PLCH1: variants seen among roughly 807,000 people sequenced by gnomAD.
PLCH1 encodes 1-phosphatidylinositol 4,5-bisphosphate phosphodiesterase eta-1.
A neutral mutation model predicts 126.7 loss-of-function variants in PLCH1; 60 were observed. The observed-to-expected ratio is 0.47, with a 90% CI of 0.38 to 0.59. PLCH1 has a LOEUF of 0.59. Among genes scored for constraint, PLCH1 ranks in the 20% least tolerant of loss-of-function variants. PLCH1 has a pLI of 0.00. For missense variants in PLCH1, 1,723 were observed against 2,040.0 expected (o/e 0.84, Z 2.99); for synonymous variants, 719 against 734.9 (o/e 0.98, Z 0.35).
intron 2 of PLCH1, among the ~76,000 whole-genome samples, chr3:155,608,690 A>G (rs1734677472): frequency 6.6e-6 from 1 of 152,138 alleles, no homozygotes; most frequent in Admixed American, 6.5e-5. Flanking sequence ...CAGCAGCCTC[A>G]GCAACTCCCA....
intron 2 of PLCH1, among the ~76,000 whole-genome samples, chr3:155,673,743 T>C (rs1743795036): frequency 6.6e-6 from 1 of 152,180 alleles, no homozygotes; most frequent in Admixed American, 6.5e-5. Context: ...AATCTAGGAC[T>C]CGCTCTTACG....
chr3:155,486,773 C>T (rs1715267694), intron 21 of PLCH1, among the ~76,000 whole-genome samples: 1 of 152,030 alleles, frequency 6.6e-6, no homozygotes, highest in Non-Finnish European at 1.5e-5. Context: ...ATCCACCCGC[C>T]TCGGCCTCCC....
intron 1 of PLCH1, among the ~76,000 whole-genome samples, chr3:155,711,030 A>G (rs2109104427): frequency 6.6e-6 from 1 of 151,076 alleles, no homozygotes; most frequent in East Asian, 1.9e-4. Context: ...TTGCTTAATA[A>G]CTACTAATAT....
chr3:155,654,171 C>T (rs1441041928), intron 2 of PLCH1, among the ~76,000 whole-genome samples: 1 of 151,666 alleles, frequency 6.6e-6, no homozygotes, highest in Admixed American at 6.6e-5. Flanking sequence ...AAACTCTTCC[C>T]TCCCATGGCT....
intron 1 of PLCH1, among the ~76,000 whole-genome samples, chr3:155,704,995 T>A (rs1375022223): frequency 6.6e-6 from 1 of 152,210 alleles, no homozygotes; most frequent in Non-Finnish European, 1.5e-5. Flanking sequence ...AAAGCTGACG[T>A]GCATAACCCT....
At chr3:155,453,783 T>A (rs1349454448) in intron 21 of PLCH1, among the ~76,000 whole-genome samples, 1 of 151,080 alleles carries the variant, frequency 6.6e-6, no homozygotes, top group Non-Finnish European at 1.5e-5. Context: ...TAATTTCTGA[T>A]AATAAATTAT....
chr3:155,712,723 C>T (rs1334028646), intron 1 of PLCH1, among the ~76,000 whole-genome samples: 1 of 151,432 alleles, frequency 6.6e-6, no homozygotes, highest in African/African-American at 2.4e-5. Flanking sequence ...CTGGGTGGGA[C>T]AGCGATACTC....
intron 10 of PLCH1, among the ~76,000 whole-genome samples, chr3:155,545,951 G>A (rs1225923186): frequency 1.3e-5 from 2 of 151,958 alleles, no homozygotes; most frequent in East Asian, 3.9e-4. Flanking sequence ...GGCAAAAACT[G>A]GAAGCATTCC....
At chr3:155,526,512 AC>A (rs1721970531) in intron 10 of PLCH1, among the ~76,000 whole-genome samples, 1 of 151,156 alleles carries the variant, frequency 6.6e-6, no homozygotes, top group Admixed American at 6.6e-5. Flanking sequence ...ACACACACAC[AC>A]ACACACACAC....
At chr3:155,694,098 A>G (rs1745626260) in intron 2 of PLCH1, among the ~76,000 whole-genome samples, 1 of 152,158 alleles carries the variant, frequency 6.6e-6, no homozygotes, top group Admixed American at 6.5e-5. Flanking sequence ...ATTCAGTATA[A>G]AATAGACTAT....
At chr3:155,483,300 T>C (rs922404449) in intron 22 of PLCH1, 4 of 1,303,150 alleles carry the variant, frequency 3.1e-6, no homozygotes, top group Admixed American at 2.2e-5. Flanking sequence ...GTAATATTCA[T>C]TGTCAAAAAA....
At chr3:155,677,728 T>C (rs1744201875) in intron 2 of PLCH1, among the ~76,000 whole-genome samples, 1 of 152,232 alleles carries the variant, frequency 6.6e-6, no homozygotes. Context: ...TGTTTTACTA[T>C]TATTAATCTT....
intron 10 of PLCH1, among the ~76,000 whole-genome samples, chr3:155,537,201 C>CAAAAAAAAA (rs1560128167): frequency 7.6e-5 from 10 of 132,108 alleles, no homozygotes; most frequent in African/African-American, 2.4e-4. Flanking sequence ...AAAAAAAAAA[C>CAAAAAAAAA]CAAAAAAAAA....
intron 21 of PLCH1, among the ~76,000 whole-genome samples, chr3:155,486,394 A>G (rs1323533794): frequency 6.6e-6 from 1 of 152,008 alleles, no homozygotes; most frequent in Non-Finnish European, 1.5e-5. Flanking sequence ...GTGGATCCCA[A>G]CCCGAACACA....
intron 11 of PLCH1, among the ~76,000 whole-genome samples, chr3:155,518,786 A>G (rs965520991): frequency 2.6e-5 from 4 of 152,152 alleles, no homozygotes; most frequent in Non-Finnish European, 5.9e-5. Flanking sequence ...ATCACACAGA[A>G]TGCTCCAAAT....
intron 2 of PLCH1, among the ~76,000 whole-genome samples, chr3:155,673,895 A>C (rs1477202809): frequency 1.3e-5 from 2 of 152,192 alleles, no homozygotes; most frequent in African/African-American, 4.8e-5. Context: ...CCCAGAACAA[A>C]TATGATTTCT....
intron 2 of PLCH1, among the ~76,000 whole-genome samples, chr3:155,628,398 G>A (rs1175817185): frequency 1.4e-5 from 2 of 141,926 alleles, no homozygotes; most frequent in Non-Finnish European, 3.0e-5. Context: ...CGAAGACACA[G>A]AGACACCAAG....
chr3:155,670,684 A>G (rs16825234), intron 2 of PLCH1, among the ~76,000 whole-genome samples: 6,126 of 152,166 alleles, frequency 0.04, 368 homozygotes, highest in African/African-American at 0.13. Context: ...TGTGTAATCT[A>G]TCTTTCATAG....
chr3:155,652,915 T>A (rs764676368), intron 2 of PLCH1, among the ~76,000 whole-genome samples: 6 of 152,146 alleles, frequency 3.9e-5, no homozygotes, highest in Non-Finnish European at 7.4e-5. Context: ...TCACTTGCAA[T>A]AATCTGTCCT....
Sources: allele counts gnomAD v4.1 joint callset (sites outside exome capture counted in the v4.1 genomes callset), GRCh38; gene constraint gnomAD v4.1.1; transcripts MANE v1.5; gene names NCBI Gene and HGNC (gene_info 2026-07-23, HGNC 2026-07-21).